Variants in ZFPM2 observed in about 807,000 individuals in gnomAD.
ZFPM2 encodes the protein zinc finger protein ZFPM2.
A neutral mutation model predicts 98.6 loss-of-function variants in ZFPM2; 20 were observed. The ratio of observed to expected loss-of-function variants is 0.20; its 90% confidence interval spans 0.14 to 0.29. The LOEUF (loss-of-function observed/expected upper bound fraction) is 0.29. Among genes scored for constraint, ZFPM2 ranks in the 10% least tolerant of loss-of-function variants. ZFPM2 has a pLI of 1.00. For synonymous variants in ZFPM2, 518 were observed against 502.7 expected (o/e 1.03, Z -0.41); for missense variants, 1,310 against 1,388.6 (o/e 0.94, Z 0.90).
intron 4 of ZFPM2, among the ~76,000 whole-genome samples, chr8:105,622,438 A>T (rs1816571068): frequency 6.6e-6 from 1 of 152,226 alleles, no homozygotes; most frequent in African/African-American, 2.4e-5. Flanking sequence ...AAATATTTTA[A>T]TATAAAATTT....
At chr8:105,460,297 A>G (rs1812680266) in intron 3 of ZFPM2, among the ~76,000 whole-genome samples, 1 of 152,178 alleles carries the variant, frequency 6.6e-6, no homozygotes, top group African/African-American at 2.4e-5. Context: ...AGAGAGAATA[A>G]AGAAGGTCTC....
chr8:105,775,169 G>A (rs73700147), intron 5 of ZFPM2, among the ~76,000 whole-genome samples: 3,195 of 152,070 alleles, frequency 0.021, 112 homozygotes, highest in African/African-American at 0.072. Flanking sequence ...TGGTGCTTGG[G>A]GGGTTTTCAT....
intron 5 of ZFPM2, among the ~76,000 whole-genome samples, chr8:105,732,772 G>A (rs1232015321): frequency 6.6e-6 from 1 of 151,808 alleles, no homozygotes; most frequent in East Asian, 1.9e-4. Context: ...ACATTGGACT[G>A]AAGCATTGCA....
At chr8:105,676,901 CAT>C (rs1450380046) in intron 5 of ZFPM2, among the ~76,000 whole-genome samples, 1 of 151,846 alleles carries the variant, frequency 6.6e-6, no homozygotes, top group Non-Finnish European at 1.5e-5. Context: ...ATGTTTTTAA[CAT>C]ATTTGAGTTT....
At chr8:105,550,751 A>G (rs1191699810) in intron 3 of ZFPM2, among the ~76,000 whole-genome samples, 1 of 152,210 alleles carries the variant, frequency 6.6e-6, no homozygotes, top group African/African-American at 2.4e-5. Context: ...AATGGCAGAT[A>G]GACTTCAAAG....
chr8:105,492,157 A>G (rs1245177166), intron 3 of ZFPM2, among the ~76,000 whole-genome samples: 1 of 152,150 alleles, frequency 6.6e-6, no homozygotes, highest in Non-Finnish European at 1.5e-5. Context: ...AAATTCAAAT[A>G]TGTTTCTGTT....
At chr8:105,462,945 T>C (rs1038308513) in intron 3 of ZFPM2, among the ~76,000 whole-genome samples, 4 of 152,092 alleles carry the variant, frequency 2.6e-5, no homozygotes, top group Non-Finnish European at 5.9e-5. Context: ...ATATTTCAGA[T>C]TGAAAAATAT....
chr8:105,705,702 T>C (rs1237306929), intron 5 of ZFPM2, among the ~76,000 whole-genome samples: 1 of 152,148 alleles, frequency 6.6e-6, no homozygotes, highest in Non-Finnish European at 1.5e-5. Context: ...CAGACTGCAG[T>C]GGACGACTCC....
chr8:105,507,742 T>C (rs556193747), intron 3 of ZFPM2, among the ~76,000 whole-genome samples: 1 of 152,272 alleles, frequency 6.6e-6, no homozygotes, highest in East Asian at 1.9e-4. Context: ...CATGACTGTC[T>C]TATTTAGTCT....
At chr8:105,784,186 A>G (rs1367057081) in intron 5 of ZFPM2, among the ~76,000 whole-genome samples, 1 of 152,172 alleles carries the variant, frequency 6.6e-6, no homozygotes, top group Non-Finnish European at 1.5e-5. Context: ...CTTAATTTAC[A>G]TAAATACTAC....
intron 3 of ZFPM2, among the ~76,000 whole-genome samples, chr8:105,496,363 T>A (rs1339604685): frequency 6.6e-6 from 1 of 151,996 alleles, no homozygotes; most frequent in Non-Finnish European, 1.5e-5. Flanking sequence ...CTATAACAGT[T>A]CCTCAATCTT....
chr8:105,559,380 T>C (rs1815076136), intron 3 of ZFPM2, among the ~76,000 whole-genome samples: 1 of 152,192 alleles, frequency 6.6e-6, no homozygotes, highest in African/African-American at 2.4e-5. Flanking sequence ...CATCATTAGC[T>C]GTTGATATAC....
rs759432761 is a variant in ZFPM2, at chr8:105,802,126, A to G, written c.2044A>G (p.Ser682Gly). 25 of 1,613,778 alleles carry G rather than the reference A, an allele frequency of 1.5e-5. No individual in the cohort carries two copies. Among genetic ancestry groups the G allele is most frequent in the Admixed American group, 3.3e-5 (2 of 59,980 alleles). Residue 682 changes from serine (S) to glycine (G), a missense_variant, in exon 8 of 8, where the codon AGT becomes GGT. Coordinates refer to ENST00000407775, the MANE Select transcript of ZFPM2 (RefSeq NM_012082.4). ...CAGTGTCCCCTTAGTGGATGGGGAA[A>G]GTGACCCAAATAAGACTACCTGTGA... ...NPSVPLVDGE[S>G]DPNKTTCEAC...
chr8:105,517,829 A>G (rs1221154045), intron 3 of ZFPM2, among the ~76,000 whole-genome samples: 2 of 151,982 alleles, frequency 1.3e-5, no homozygotes, highest in Non-Finnish European at 2.9e-5. Flanking sequence ...TGAGGATCAC[A>G]TGAGCCCAGG....
At chr8:105,504,713 A>C (rs1408128276) in intron 3 of ZFPM2, among the ~76,000 whole-genome samples, 2 of 152,198 alleles carry the variant, frequency 1.3e-5, no homozygotes, top group Non-Finnish European at 2.9e-5. Flanking sequence ...TTTCGCAACC[A>C]TGTTCTGACA....
At chr8:105,662,962 C>T (rs1050961143) in intron 5 of ZFPM2, 9 of 152,170 alleles carry the variant, frequency 5.9e-5, no homozygotes, top group Middle Eastern at 6.8e-3. Context: ...AGACAACACT[C>T]GAAGAATGTT....
intron 3 of ZFPM2, among the ~76,000 whole-genome samples, chr8:105,454,390 G>C (rs139084987): frequency 3.5e-4 from 53 of 152,264 alleles, no homozygotes; most frequent in African/African-American, 1.2e-3. Context: ...ACATTGCTTG[G>C]TGCTTTTTAC....
chr8:105,652,400 C>A (rs1817200144), intron 5 of ZFPM2, among the ~76,000 whole-genome samples: 1 of 150,680 alleles, frequency 6.6e-6, no homozygotes, highest in Non-Finnish European at 1.5e-5. Context: ...TGAAGACTGT[C>A]AAACAACAGT....
intron 5 of ZFPM2, among the ~76,000 whole-genome samples, chr8:105,763,302 A>G (rs1028168561): frequency 3.3e-5 from 5 of 151,838 alleles, no homozygotes; most frequent in Non-Finnish European, 7.4e-5. Flanking sequence ...TCTGAAAGCT[A>G]TACAGGACCA....
Sources: gnomAD v4.1 joint callset for allele counts (sites outside exome capture counted in the v4.1 genomes callset) on GRCh38, gnomAD v4.1.1 for gene constraint, MANE v1.5 for transcripts, NCBI Gene and HGNC (gene_info 2026-07-23, HGNC 2026-07-21) for gene names.